The following DLG5 variants were observed in gnomAD, a reference collection of about 807,000 sequenced individuals.
DLG5 encodes discs large MAGUK scaffold protein 5.
In DLG5, 48 loss-of-function variants were observed where a neutral mutation model predicts 189.8. The observed-to-expected ratio is 0.25, with a 90% CI of 0.20 to 0.32. The LOEUF is 0.32. Among genes scored for constraint, DLG5 ranks in the 10% least tolerant of loss-of-function variants. DLG5 has a pLI of 1.00. For missense variants in DLG5, 2,160 were observed against 2,544.7 expected, an observed-to-expected ratio of 0.85 and a Z score of 3.25; for synonymous variants, 1,016 against 1,054.1, an observed-to-expected ratio of 0.96 and a Z score of 0.70.
At chr10:77,893,005 G>C (rs903551952) in intron 1 of DLG5, among the ~76,000 whole-genome samples, 1 of 152,206 alleles carries the variant, frequency 6.6e-6, no homozygotes, top group Non-Finnish European at 1.5e-5. Context: ...GCAGGGACAG[G>C]GCACCCCCAG....
upstream of DLG5, chr10:77,926,935 G>C: frequency 2.7e-6 from 1 of 373,912 alleles, no homozygotes; most frequent in Non-Finnish European, 5.4e-6. This position sits in a 1 kb window ranked among gnomAD's most constrained non-coding sequence, Gnocchi z 5.2. Context: ...GCCGCCCCCA[G>C]AGCAAGACTA....
Position 77,833,906 on chromosome 10 carries a change from G to A in DLG5, c.1748+8C>T, listed in dbSNP as rs371210139. On this transcript the variant is annotated splice_region_variant and intron_variant, in intron 9 of 31. Coordinates refer to ENST00000372391, the MANE Select transcript of DLG5 (RefSeq NM_004747.4). ...TGCCCACTCCAGCGGGTGCCCACCCGAGCCTACTTGAGCTCCTTCAGCTCG... is the reference window on the plus strand; with the variant it reads ...TGCCCACTCCAGCGGGTGCCCACCCAAGCCTACTTGAGCTCCTTCAGCTCG... The A allele has an allele frequency of 1.0e-5, 16 of 1,605,396 alleles. No individual in the cohort carries two copies. The highest frequency in any genetic ancestry group is 4.0e-5 in the African/African-American group (3 of 74,906).
In DLG5 at chr10:77,809,646, C is replaced by G. The variant is rs763782291; in HGVS notation, c.4548G>C (p.Leu1516Phe). Residue 1516 changes from leucine to phenylalanine, a missense_variant, in exon 24 of 32, where the codon TTG becomes TTC. Leu to Phe is a conservative substitution (Grantham distance 22). Around this residue, in one of 5 missense-constraint regions of DLG5, gnomAD observed 574 missense variants for 644.2 expected, o/e 0.89. Coordinates refer to ENST00000372391, the MANE Select transcript of DLG5 (RefSeq NM_004747.4). The part of the protein sequence containing the change: ...KKSQLELGVH[L>F]CGGNLHGVFV... ...ACACCCCATGCAGGTTCCCACCACA[C>G]AAGTGCACCCCAAGCTCCAGCTGGG... The G allele has an allele frequency of 1.2e-6, 2 of 1,614,126 alleles. No homozygotes were observed. Among genetic ancestry groups the G allele is most frequent in the Non-Finnish European group, 1.7e-6 (2 of 1,180,046 alleles).
chr10:77,931,572 A>T (rs1452007985), upstream of DLG5, among the ~76,000 whole-genome samples: 2 of 151,280 alleles, frequency 1.3e-5, no homozygotes, highest in African/African-American at 2.4e-5. Context: ...TCTGAGCACA[A>T]CTCCCCATAG....
At chr10:77,851,992 CAGG>C (rs1303751615) in intron 5 of DLG5, among the ~76,000 whole-genome samples, 3 of 152,082 alleles carry the variant, frequency 2.0e-5, no homozygotes, top group Admixed American at 6.6e-5. Flanking sequence ...CACAAAGGGT[CAGG>C]AGGAGATGGG....
At chr10:77,818,291 G>A (rs941863240) in intron 17 of DLG5, among the ~76,000 whole-genome samples, 3 of 152,260 alleles carry the variant, frequency 2.0e-5, no homozygotes, top group East Asian at 3.9e-4. Context: ...TGCCTCACTC[G>A]GGACAGCGTG....
intron 1 of DLG5, among the ~76,000 whole-genome samples, chr10:77,903,321 G>A (rs929925496): frequency 5.9e-5 from 9 of 152,170 alleles, no homozygotes; most frequent in East Asian, 3.9e-4. Flanking sequence ...CCAGCTACTC[G>A]GGAGGCTGAG....
chr10:77,817,099 AT>A lies in DLG5; in HGVS notation c.3785-4del. The A allele has an allele frequency of 6.2e-7, 1 of 1,614,088 alleles. No homozygotes were observed. Among genetic ancestry groups the A allele is most frequent in the Non-Finnish European group, 8.5e-7 (1 of 1,179,966 alleles). On this transcript the variant is annotated splice_polypyrimidine_tract_variant and splice_region_variant and intron_variant, in intron 18 of 31. Coordinates refer to ENST00000372391, the MANE Select transcript of DLG5 (RefSeq NM_004747.4). ...GAACTGCAAGTTACTCGAAGAACCTATTGTTCCATAAGGGAACAAAACTTCA... is the reference window on the plus strand; with the variant it reads ...GAACTGCAAGTTACTCGAAGAACCTATGTTCCATAAGGGAACAAAACTTCA...
Position 77,821,245 on chromosome 10 carries a change from T to C in DLG5, c.3239A>G (p.Glu1080Gly), listed in dbSNP as rs1209238312. 2 of 1,614,020 alleles carry C rather than the reference T, an allele frequency of 1.2e-6. No homozygotes were observed. Among genetic ancestry groups the C allele is most frequent in the African/African-American group, 1.3e-5 (1 of 75,050 alleles). The change falls in exon 15 of 32, where the codon GAA (glutamate) becomes GGA (glycine). Residue 1080 changes from glutamate to glycine, a missense_variant. Around this residue, in one of 5 missense-constraint regions of DLG5, gnomAD observed 754 missense variants for 746.5 expected, o/e 1.01. Transcript: ENST00000372391. ...RVRIASSYYPEGDGDSSHLPA... is the reference protein window; with the variant it reads ...RVRIASSYYPGGDGDSSHLPA... ...CAGGTGGGAGGAGTCCCCATCTCCT[T>C]CAGGGTAGTAGCTGGAAGCAATGCG...
rs781465075 is a variant in DLG5 at position 77,842,102 on chromosome 10, C to T, written c.1216G>A (p.Glu406Lys). ...EMELLQSELT[E>K]LRTTQVKTAK... The stretch of plus-strand genomic sequence containing the variant: ...GTCTTCACCTGCGTGGTTCTCAGCT[C>T]GGTCAGCTCTGACTGCAGCAGCTCC... The change falls in exon 7 of 32, where the codon GAG (glutamate) becomes AAG (lysine). Residue 406 changes from glutamate (E) to lysine (K), a missense_variant. Physicochemically the swap from Glu to Lys is moderately conservative, Grantham distance 56 (BLOSUM62 1). Transcript: ENST00000372391. 1.2e-5 allele frequency: 19 copies of T among 1,613,340 alleles called. No homozygotes were observed. Among genetic ancestry groups the T allele is most frequent in the East Asian group, 2.2e-5 (1 of 44,902 alleles).
chr10:77,891,612 ACAC>A (rs1270248363), intron 1 of DLG5, among the ~76,000 whole-genome samples: 3 of 142,740 alleles, frequency 2.1e-5, no homozygotes, highest in African/African-American at 5.3e-5. Flanking sequence ...ACACACACAC[ACAC>A]GAGAAGAAAG....
chr10:77,818,719 C>G (rs894711154), intron 17 of DLG5, among the ~76,000 whole-genome samples: 12 of 152,188 alleles, frequency 7.9e-5, no homozygotes, highest in African/African-American at 2.9e-4. Flanking sequence ...AAGTTACAGC[C>G]CAGCCTGTCA....
At position 77,821,902 on chromosome 10, in the gene DLG5, G is replaced by T. The variant is rs766549141; in HGVS notation, c.2582C>A (p.Pro861Gln). 23 of 1,614,206 alleles carry T rather than the reference G, an allele frequency of 1.4e-5. No homozygotes were observed. Among genetic ancestry groups the T allele is most frequent in the Non-Finnish European group, 1.9e-5 (23 of 1,180,040 alleles). Reference sequence around the variant, plus strand: ...ATGCAGAAAGGAGCTGCTGCCTCCTGGGGGGCCTGGCTCCTTCCTGTCTTC... The same window carrying T: ...ATGCAGAAAGGAGCTGCTGCCTCCTTGGGGGCCTGGCTCCTTCCTGTCTTC... ...RLEDRKEPGP[P>Q]GGSSSFLHKP... Residue 861 changes from proline to glutamine, a missense_variant, in exon 15 of 32, where the codon CCA (proline) becomes CAA (glutamine). Pro to Gln is a moderately conservative substitution (Grantham distance 76, BLOSUM62 -1). This residue lies in a region of DLG5 where 754 missense variants were observed against 746.5 expected (regional missense o/e 1.01). Transcript: ENST00000372391.
intron 18 of DLG5, 83 bp from the exon 19 acceptor site, chr10:77,817,179 GGATAATAAA>G: frequency 1.6e-6 from 2 of 1,280,144 alleles, no homozygotes; most frequent in South Asian, 2.4e-5. Flanking sequence ...CTACCAGTCA[GGATAATAAA>G]TGCAAAGCTG....
intron 11 of DLG5, 63 bp downstream of exon 11, chr10:77,830,154 G>A (rs897497277): frequency 1.2e-5 from 20 of 1,603,048 alleles, no homozygotes; most frequent in Admixed American, 1.0e-4. Context: ...GGCTCTCTTC[G>A]GGTCCTCTGC....
chr10:77,835,128 G>T lies in DLG5; in HGVS notation c.1622+610C>A, dbSNP rs143175542. ...CCTGCCCTCCCCACGACTTGCCCAC[G>T]TCCCTGCCCTGAGCACACTCCACAG... On this transcript the variant is annotated intron_variant, in intron 8 of 31. Transcript: ENST00000372391. Among the ~76,000 whole-genome samples, 30 of 152,016 alleles carry T rather than the reference G, an allele frequency of 2.0e-4. No homozygotes were observed. The East Asian group carries it at 5.6e-3, about 28-fold the overall frequency.
intron 7 of DLG5, among the ~76,000 whole-genome samples, chr10:77,837,852 G>A (rs1043491547): frequency 1.3e-5 from 2 of 152,202 alleles, no homozygotes; most frequent in African/African-American, 4.8e-5. Flanking sequence ...CGTGGGAAGA[G>A]ATGGGCTAGT....
At chr10:77,832,557 A>G (rs1323457900) in intron 9 of DLG5, among the ~76,000 whole-genome samples, 3 of 152,206 alleles carry the variant, frequency 2.0e-5, no homozygotes, top group Non-Finnish European at 2.9e-5. Flanking sequence ...CTCAGCATTC[A>G]TTGCTCACTA....
rs766164564 is a variant in DLG5, at chr10:77,821,700, A to C, written c.2784T>G (p.Val928=). ...PFETEVGPCG[V]GEASLDKADS... ...CTGCCTTGTCCAGGGAGGCCTCCCCAACCCCACAGGGGCCCACCTCGGTCT... is the reference window on the plus strand; with the variant it reads ...CTGCCTTGTCCAGGGAGGCCTCCCCCACCCCACAGGGGCCCACCTCGGTCT... Residue 928 remains valine (V), a synonymous_variant, in exon 15 of 32, where the codon GTT becomes GTG. Transcript: ENST00000372391. The C allele has an allele frequency of 8.1e-6, 13 of 1,612,140 alleles. No homozygotes were observed. In the East Asian group the frequency reaches 2.9e-4, roughly 36 times the overall value.
Sources: allele counts gnomAD v4.1 joint callset (sites outside exome capture counted in the v4.1 genomes callset), GRCh38; gene constraint gnomAD v4.1.1; regional missense constraint gnomAD v4.1.1; non-coding constraint Gnocchi (gnomAD v3.1); transcripts MANE v1.5; gene names NCBI Gene and HGNC (gene_info 2026-07-23, HGNC 2026-07-21).